Variants in NF1 observed in about 807,000 individuals in gnomAD.
The protein encoded by NF1 is neurofibromin.
NF1 carries 122 observed loss-of-function variants against 325.7 expected under a neutral mutation model. The ratio of observed to expected loss-of-function variants is 0.37; its 90% CI spans 0.32 to 0.44. The LOEUF is 0.44. Ranked by LOEUF, NF1 falls within the 20% of genes least tolerant of loss-of-function variation. The pLI is 1.00. For missense variants in NF1, 2,140 were observed against 3,415.4 expected, an observed-to-expected ratio of 0.63 and a Z score of 9.31; for synonymous variants, 1,091 against 1,186.0, an observed-to-expected ratio of 0.92 and a Z score of 1.65.
rs17884217 is a variant in NF1, at chr17:31,231,425, C to A, written c.3197+500C>A. Among the ~76,000 whole-genome samples, 669 of 152,080 alleles carry A rather than the reference C, an allele frequency of 4.4e-3. 1 individual carries two copies. Among genetic ancestry groups the A allele is most frequent in the Non-Finnish European group, 7.0e-3 (473 of 67,966 alleles). On this transcript the variant is annotated intron_variant, in intron 24 of 57. Coordinates refer to ENST00000358273, the MANE Select transcript of NF1 (RefSeq NM_001042492.3). ...AAGCATTCACATATGTTTCTTTGACCAAGCCTAGCTTTATAATACAGTCTT... is the reference window on the plus strand; with the variant it reads ...AAGCATTCACATATGTTTCTTTGACAAAGCCTAGCTTTATAATACAGTCTT...
intron 29 of NF1, among the ~76,000 whole-genome samples, chr17:31,248,220 C>CAAA (rs34071215): frequency 1.6e-4 from 20 of 126,192 alleles, no homozygotes; most frequent in Non-Finnish European, 2.6e-4. Context: ...CACCCCCCAC[C>CAAA]AAAAAAAAAA....
chr17:31,146,933 C>A (rs184187670), intron 1 of NF1, among the ~76,000 whole-genome samples: 1 of 152,362 alleles, frequency 6.6e-6, no homozygotes, highest in African/African-American at 2.4e-5. Flanking sequence ...ACAGCACTCC[C>A]AGCATTTAAG....
chr17:31,326,360 C>A, intron 37 of NF1, 108 bp downstream of exon 37: 3 of 1,132,974 alleles, frequency 2.6e-6, no homozygotes, highest in Admixed American at 2.0e-5. Flanking sequence ...TATAAAATGT[C>A]ACGTAAGGCT....
At chr17:31,207,301 T>C (rs2066641738) in intron 12 of NF1, among the ~76,000 whole-genome samples, 1 of 152,122 alleles carries the variant, frequency 6.6e-6, no homozygotes, top group Non-Finnish European at 1.5e-5. Flanking sequence ...ACTGAAAATA[T>C]AGCATGTCTT....
intron 36 of NF1, among the ~76,000 whole-genome samples, chr17:31,298,784 A>G (rs924290746): frequency 6.6e-6 from 1 of 152,112 alleles, no homozygotes; most frequent in Admixed American, 6.6e-5. Context: ...TAGGGAATGC[A>G]TTGACATTTA....
chr17:31,110,866 A>C (rs1488756072), intron 1 of NF1, among the ~76,000 whole-genome samples: 7 of 151,978 alleles, frequency 4.6e-5, no homozygotes, highest in Non-Finnish European at 1.0e-4. Context: ...AGGACACTCC[A>C]CCTCCCCCTC....
chr17:31,370,002 ATTG>A (rs2070602712), intron 57 of NF1, among the ~76,000 whole-genome samples: 2 of 152,060 alleles, frequency 1.3e-5, no homozygotes, highest in Non-Finnish European at 2.9e-5. Context: ...ATGCATTTTA[ATTG>A]TTTTTTTTTA....
chr17:31,246,423 C>T (rs1012130871), intron 29 of NF1, among the ~76,000 whole-genome samples: 12 of 152,174 alleles, frequency 7.9e-5, no homozygotes, highest in African/African-American at 2.4e-4. Flanking sequence ...ACAGCAATGA[C>T]GTAAGTGTCC....
rs2143886228 is a variant in NF1, at chr17:31,201,450, G to A, written c.1225G>A (p.Val409Met). 1 of 1,611,324 alleles carries A rather than the reference G, an allele frequency of 6.2e-7. No homozygotes were observed. Among genetic ancestry groups the A allele is most frequent in the Non-Finnish European group, 8.5e-7 (1 of 1,179,130 alleles). ...AQNSPSTFHYVLVNSLHRIIT... is the reference protein window; with the variant it reads ...AQNSPSTFHYMLVNSLHRIIT... ...GAATTCACCTTCTACATTTCACTATGTGCTGGTAAATTCACTCCATCGAAT... is the reference window on the plus strand; with the variant it reads ...GAATTCACCTTCTACATTTCACTATATGCTGGTAAATTCACTCCATCGAAT... The change falls in exon 11 of 58, where the codon GTG becomes ATG. Residue 409 changes from valine to methionine, a missense_variant. Coordinates refer to ENST00000358273, the MANE Select transcript of NF1 (RefSeq NM_001042492.3).
intron 57 of NF1, chr17:31,367,198 C>CT (rs1026169567): frequency 5.0e-5 from 64 of 1,291,412 alleles, no homozygotes; most frequent in East Asian, 1.1e-4. Context: ...CACTTACTTG[C>CT]TTTTTTTTCT....
chr17:31,336,021 A>G lies in NF1; in HGVS notation c.6007-312A>G, dbSNP rs1181309984. 6.6e-6 allele frequency among the ~76,000 whole-genome samples: 1 copy of G among 152,028 alleles called. No homozygotes were observed. Among genetic ancestry groups the G allele is most frequent in the Non-Finnish European group, 1.5e-5 (1 of 67,996 alleles). ...ATTTTCAAATTACTATTTTATATTGATGCTACATTACTGTCTTAGAAAAGC... is the reference window on the plus strand; with the variant it reads ...ATTTTCAAATTACTATTTTATATTGGTGCTACATTACTGTCTTAGAAAAGC... On this transcript the variant is annotated intron_variant, in intron 40 of 57. Coordinates refer to ENST00000358273, the MANE Select transcript of NF1 (RefSeq NM_001042492.3). The surrounding 1 kb of genome is among the most constrained non-coding windows in gnomAD (Gnocchi z 5.5).
At chr17:31,258,924 A>G (rs1173636619) in intron 32 of NF1, 108 bp from the exon 33 acceptor site, 1 of 722,176 alleles carries the variant, frequency 1.4e-6, no homozygotes, top group Non-Finnish European at 2.3e-6. Flanking sequence ...TTTAAGTACT[A>G]GCAGAAATTA....
chr17:31,182,743 C>T (rs1045550254), intron 8 of NF1, 78 bp downstream of exon 8: 12 of 1,369,436 alleles, frequency 8.8e-6, no homozygotes, highest in South Asian at 2.4e-5. Context: ...TTACTTTAGG[C>T]TTATTATTTA....
chr17:31,272,764 C>G (rs2067925721), intron 36 of NF1: 1 of 152,184 alleles, frequency 6.6e-6, no homozygotes, highest in Non-Finnish European at 1.5e-5. Context: ...CATCATCCTC[C>G]TCTGTTTCAC....
intron 1 of NF1, among the ~76,000 whole-genome samples, chr17:31,117,271 G>A (rs1295540291): frequency 1.3e-5 from 2 of 152,014 alleles, no homozygotes; most frequent in Non-Finnish European, 2.9e-5. Flanking sequence ...GTGAGCTACC[G>A]TGCCTGACCT....
intron 1 of NF1, among the ~76,000 whole-genome samples, chr17:31,097,385 G>C (rs1911828597): frequency 6.6e-6 from 1 of 151,270 alleles, no homozygotes; most frequent in African/African-American, 2.4e-5. Flanking sequence ...TTGAATCCGG[G>C]AGGTGGAGGT....
intron 29 of NF1, among the ~76,000 whole-genome samples, chr17:31,242,398 C>T (rs2067314849): frequency 6.7e-6 from 1 of 149,778 alleles, no homozygotes; most frequent in Admixed American, 6.7e-5. Context: ...TCACTGCACC[C>T]TCCGCCTCTA....
intron 11 of NF1, among the ~76,000 whole-genome samples, chr17:31,205,534 A>T (rs966390179): frequency 3.3e-5 from 5 of 152,184 alleles, no homozygotes; most frequent in African/African-American, 9.6e-5. Flanking sequence ...TCCAAATAAA[A>T]TAGGCACTAA....
chr17:31,178,408 A>G (rs533402285), intron 5 of NF1, among the ~76,000 whole-genome samples: 45 of 152,388 alleles, frequency 3.0e-4, no homozygotes, highest in African/African-American at 9.9e-4. Context: ...CAACCACTGC[A>G]AAAACATAAC....
Sources: allele counts gnomAD v4.1 joint callset (sites outside exome capture counted in the v4.1 genomes callset), GRCh38; gene constraint gnomAD v4.1.1; non-coding constraint Gnocchi (gnomAD v3.1); transcripts MANE v1.5; gene names NCBI Gene and HGNC (gene_info 2026-07-23, HGNC 2026-07-21).